Variants in GPD2 observed in about 807,000 individuals in gnomAD.
GPD2 encodes glycerol-3-phosphate dehydrogenase, mitochondrial.
GPD2 carries 54 observed loss-of-function variants against 82.4 expected under a neutral mutation model. The ratio of observed to expected loss-of-function variants is 0.66; its 90% CI spans 0.53 to 0.82. The LOEUF (loss-of-function observed/expected upper bound fraction) is 0.82. Ranked by LOEUF, GPD2 falls within the 40% of genes least tolerant of loss-of-function variation. The pLI, the probability that GPD2 is intolerant of heterozygous loss-of-function variation, is 0.00. For missense variants in GPD2, 748 were observed against 896.2 expected (o/e 0.83, Z 2.11); for synonymous variants, 288 against 306.1 (o/e 0.94, Z 0.62).
intron 6 of GPD2, among the ~76,000 whole-genome samples, chr2:156,521,192 G>A (rs1264795575): frequency 6.6e-6 from 1 of 152,180 alleles, no homozygotes; most frequent in Non-Finnish European, 1.5e-5. Flanking sequence ...CATTGAAAGT[G>A]CATGAACTGT....
intron 5 of GPD2, among the ~76,000 whole-genome samples, chr2:156,512,632 A>G (rs1290546151): frequency 2.0e-5 from 3 of 152,240 alleles, no homozygotes; most frequent in Non-Finnish European, 4.4e-5. Flanking sequence ...TAAGAGGATC[A>G]TGTGCAGACT....
At chr2:156,522,430 A>G (rs1198538184) in intron 6 of GPD2, among the ~76,000 whole-genome samples, 4 of 152,242 alleles carry the variant, frequency 2.6e-5, no homozygotes, top group African/African-American at 9.6e-5. Flanking sequence ...GTGGGTTCAT[A>G]GTAAGCTATT....
At chr2:156,467,396 T>C (rs1185413052) in intron 1 of GPD2, among the ~76,000 whole-genome samples, 1 of 152,252 alleles carries the variant, frequency 6.6e-6, no homozygotes, top group Non-Finnish European at 1.5e-5. Context: ...GTTTCACACA[T>C]TTCTGTTGAC....
intron 6 of GPD2, among the ~76,000 whole-genome samples, chr2:156,516,203 A>G (rs997128155): frequency 2.0e-5 from 3 of 152,208 alleles, no homozygotes; most frequent in Non-Finnish European, 2.9e-5. Flanking sequence ...TACTCTTCAT[A>G]AATCACCATG....
chr2:156,565,841 T>C (rs1687369089), intron 9 of GPD2, among the ~76,000 whole-genome samples: 1 of 152,114 alleles, frequency 6.6e-6, no homozygotes, highest in African/African-American at 2.4e-5. Context: ...GGTTTTGTTT[T>C]ATTTTGTTTT....
intron 2 of GPD2, among the ~76,000 whole-genome samples, chr2:156,491,958 T>C (rs2105232641): frequency 6.6e-6 from 1 of 150,582 alleles, no homozygotes; most frequent in South Asian, 2.1e-4. Context: ...TGACAGAGGT[T>C]GGAGTGAGCC....
intron 11 of GPD2, 120 bp from the exon 12 acceptor site, chr2:156,569,967 C>A: frequency 1.2e-6 from 1 of 865,560 alleles, no homozygotes. Flanking sequence ...TAATACTCTC[C>A]GAGAGCTATT....
chr2:156,532,621 A>T (rs1461815461), intron 6 of GPD2, among the ~76,000 whole-genome samples: 2 of 152,186 alleles, frequency 1.3e-5, no homozygotes, highest in African/African-American at 4.8e-5. Context: ...GGAGGGGCTG[A>T]TCCTAGCAGC....
intron 6 of GPD2, among the ~76,000 whole-genome samples, chr2:156,513,953 CAT>C (rs948225960): frequency 3.3e-5 from 5 of 152,136 alleles, no homozygotes; most frequent in African/African-American, 1.2e-4. Context: ...CTGAAATTGA[CAT>C]GTTTGTATTT....
At position 156,579,181 on chromosome 2, in the gene GPD2, G is replaced by T; in HGVS notation, c.1959+17G>T. 7.2e-7 allele frequency: 1 copy of T among 1,397,178 alleles called. No individual in the cohort carries two copies. Among genetic ancestry groups the T allele is most frequent in the Non-Finnish European group, 1.0e-6 (1 of 982,884 alleles). 86.5% of individuals were successfully genotyped at this position (1,397,178 alleles called of 1,614,324 possible). Reference sequence around the variant, plus strand: ...GTATTAGAGGTAATTTTCTTTGGTTGATGTCAGCCTCTGATACTAGAAGAA... The same window carrying T: ...GTATTAGAGGTAATTTTCTTTGGTTTATGTCAGCCTCTGATACTAGAAGAA... On this transcript the variant is annotated intron_variant, in intron 15 of 16. Transcript: ENST00000438166.
chr2:156,446,817 G>A (rs1682385338), intron 1 of GPD2, among the ~76,000 whole-genome samples: 1 of 152,168 alleles, frequency 6.6e-6, no homozygotes, highest in African/African-American at 2.4e-5. Flanking sequence ...GCCTCCCAAA[G>A]TGCTGGGATC....
intron 13 of GPD2, among the ~76,000 whole-genome samples, chr2:156,576,478 AAAC>A (rs937175781): frequency 4.1e-5 from 6 of 146,260 alleles, no homozygotes; most frequent in Non-Finnish European, 7.6e-5. Flanking sequence ...AAAAAAAAAA[AAAC>A]ATTAGGTTTG....
At chr2:156,425,296 G>T in the GPD2 span, among the ~76,000 whole-genome samples, 1 of 152,072 alleles carries the variant, frequency 6.6e-6, no homozygotes, top group African/African-American at 2.4e-5. Context: ...TAGAGACAGA[G>T]TTTCACTATG....
intron 2 of GPD2, among the ~76,000 whole-genome samples, chr2:156,490,397 A>AC (rs1422397196): frequency 2.6e-5 from 4 of 151,926 alleles, no homozygotes; most frequent in Non-Finnish European, 5.9e-5. Context: ...GAAAAAAAAA[A>AC]AAAACAAAAA....
intron 2 of GPD2, among the ~76,000 whole-genome samples, chr2:156,492,585 A>G (rs1351582392): frequency 1.3e-5 from 2 of 152,068 alleles, no homozygotes; most frequent in African/African-American, 4.8e-5. Context: ...GGGTTTTTAA[A>G]TGATCACTCC....
intron 8 of GPD2, among the ~76,000 whole-genome samples, chr2:156,551,539 A>T (rs531080962): frequency 6.6e-6 from 1 of 152,308 alleles, no homozygotes; most frequent in African/African-American, 2.4e-5. Flanking sequence ...TGGTAAACCT[A>T]GTAGGCAAAG....
intron 6 of GPD2, among the ~76,000 whole-genome samples, chr2:156,528,792 T>C (rs1685713300): frequency 6.6e-6 from 1 of 152,206 alleles, no homozygotes; most frequent in South Asian, 2.1e-4. Flanking sequence ...GGCTGCATAG[T>C]ACTCCATGGT....
At chr2:156,448,175 C>T (rs564742413) in intron 1 of GPD2, among the ~76,000 whole-genome samples, 109 of 150,240 alleles carry the variant, frequency 7.3e-4, no homozygotes, top group Middle Eastern at 3.4e-3. Context: ...GTGGCATGAT[C>T]TCGGCTCATT....
At chr2:156,400,741 A>T in the GPD2 span, among the ~76,000 whole-genome samples, 1 of 152,228 alleles carries the variant, frequency 6.6e-6, no homozygotes, top group Non-Finnish European at 1.5e-5. Context: ...CTGAATGAGT[A>T]TGGACACCAG....
Sources: allele counts gnomAD v4.1 joint callset (sites outside exome capture counted in the v4.1 genomes callset), GRCh38; gene constraint gnomAD v4.1.1; transcripts MANE v1.5; gene names NCBI Gene and HGNC (gene_info 2026-07-23, HGNC 2026-07-21).